UNC5B: variants seen among roughly 807,000 people sequenced by gnomAD.
UNC5B encodes the protein unc-5 netrin receptor B.
Under a neutral mutation model 103.7 loss-of-function variants are expected in UNC5B, and 56 were observed. That is an observed-to-expected ratio of 0.54 (90% CI 0.44 to 0.67). The LOEUF (loss-of-function observed/expected upper bound fraction) is 0.67. Ranked by LOEUF, UNC5B falls within the 30% of genes least tolerant of loss-of-function variation. The pLI is 0.00. For synonymous variants in UNC5B, 577 were observed against 542.0 expected, an observed-to-expected ratio of 1.06 and a Z score of -0.90; for missense variants, 1,194 against 1,284.5, an observed-to-expected ratio of 0.93 and a Z score of 1.08.
chr10:71,254,399 G>T (rs545703518), intron 1 of UNC5B, among the ~76,000 whole-genome samples: 1 of 152,232 alleles, frequency 6.6e-6, no homozygotes, highest in Admixed American at 6.5e-5. Context: ...TCCTGCTGTC[G>T]TGGGGGGCAT....
intron 1 of UNC5B, among the ~76,000 whole-genome samples, chr10:71,242,582 C>G (rs1440248943): frequency 6.6e-6 from 1 of 152,172 alleles, no homozygotes; most frequent in Non-Finnish European, 1.5e-5. Context: ...CACTTTGTAG[C>G]TGGAATGTGG....
intron 1 of UNC5B, among the ~76,000 whole-genome samples, chr10:71,261,086 A>G (rs1050309023): frequency 2.0e-5 from 3 of 152,180 alleles, no homozygotes; most frequent in Non-Finnish European, 4.4e-5. Context: ...GAAGCCCATA[A>G]TTGACAGGGC....
chr10:71,267,139 G>T (rs965980322), intron 1 of UNC5B, among the ~76,000 whole-genome samples: 24 of 152,222 alleles, frequency 1.6e-4, no homozygotes, highest in African/African-American at 5.8e-4. Context: ...GGGCTGCCCA[G>T]CTGGCAAAAT....
intron 9 of UNC5B, 118 bp downstream of exon 9, chr10:71,291,227 T>A: frequency 7.3e-7 from 1 of 1,368,700 alleles, no homozygotes; most frequent in Non-Finnish European, 1.0e-6. Context: ...CAGAGTTTGC[T>A]CTAGAGATAA....
intron 1 of UNC5B, among the ~76,000 whole-genome samples, chr10:71,260,141 C>G (rs1423955602): frequency 1.3e-5 from 2 of 152,238 alleles, no homozygotes; most frequent in African/African-American, 4.8e-5. Flanking sequence ...GGCCACCGCT[C>G]TGGCCACTGC....
intron 14 of UNC5B, 69 bp downstream of exon 14, chr10:71,296,029 C>T (rs1021569588): frequency 1.6e-5 from 25 of 1,601,510 alleles, no homozygotes; most frequent in South Asian, 1.0e-4. Context: ...AGCTCCCTCC[C>T]GGGCCCTGCC....
chr10:71,226,607 G>A (rs112918141), intron 1 of UNC5B, among the ~76,000 whole-genome samples: 510 of 152,372 alleles, frequency 3.3e-3, no homozygotes, highest in Middle Eastern at 0.014. Flanking sequence ...AATACTTGGA[G>A]AGGATGGAGA....
chr10:71,274,010 A>G (rs1844706811), intron 1 of UNC5B, among the ~76,000 whole-genome samples: 1 of 152,162 alleles, frequency 6.6e-6, no homozygotes, highest in South Asian at 2.1e-4. Context: ...CCAGGCTGCA[A>G]CCTCCAGACT....
chr10:71,285,862 A>T (rs1845065884), intron 4 of UNC5B, among the ~76,000 whole-genome samples: 1 of 152,134 alleles, frequency 6.6e-6, no homozygotes, highest in Non-Finnish European at 1.5e-5. Flanking sequence ...CTCTCTCGCC[A>T]TCCTTACCTA....
intron 2 of UNC5B, among the ~76,000 whole-genome samples, 180 bp from the exon 3 acceptor site, chr10:71,284,540 A>G (rs1845013807): frequency 6.6e-6 from 1 of 152,214 alleles, no homozygotes; most frequent in South Asian, 2.1e-4. Context: ...TAGCCACTGC[A>G]ATGTGCAGGT....
At chr10:71,242,194 G>A (rs769692581) in intron 1 of UNC5B, among the ~76,000 whole-genome samples, 11 of 152,156 alleles carry the variant, frequency 7.2e-5, no homozygotes, top group Non-Finnish European at 1.2e-4. Context: ...CCTGCGTGGC[G>A]TCCGTCGGCC....
At chr10:71,240,957 C>T (rs914971466) in intron 1 of UNC5B, among the ~76,000 whole-genome samples, 2 of 152,194 alleles carry the variant, frequency 1.3e-5, no homozygotes, top group African/African-American at 2.4e-5. Context: ...TAGCAGCCTG[C>T]GAATCCAAGA....
chr10:71,234,385 A>G (rs1358340085), intron 1 of UNC5B, among the ~76,000 whole-genome samples: 1 of 152,236 alleles, frequency 6.6e-6, no homozygotes, highest in African/African-American at 2.4e-5. Flanking sequence ...CCCAAGGTTT[A>G]TGGACTGCCC....
At chr10:71,271,470 C>T (rs1047173935) in intron 1 of UNC5B, among the ~76,000 whole-genome samples, 11 of 152,208 alleles carry the variant, frequency 7.2e-5, no homozygotes, top group African/African-American at 2.4e-4. Flanking sequence ...GTGACCCCAT[C>T]GGACCTGAAA....
At chr10:71,296,444 A>C in intron 14 of UNC5B, 134 bp from the exon 15 acceptor site, 1 of 1,022,484 alleles carries the variant, frequency 9.8e-7, no homozygotes, top group Non-Finnish European at 1.4e-6. Context: ...AGCTTAGGGC[A>C]CTTGACCCCT....
At chr10:71,269,318 A>T (rs1453814060) in intron 1 of UNC5B, among the ~76,000 whole-genome samples, 8 of 149,292 alleles carry the variant, frequency 5.4e-5, no homozygotes, top group Admixed American at 3.4e-4. Context: ...GTTTTCAATT[A>T]AAAAAAAAGT....
chr10:71,214,626 CA>C (rs1367155495), intron 1 of UNC5B, among the ~76,000 whole-genome samples: 1 of 151,934 alleles, frequency 6.6e-6, no homozygotes, highest in Admixed American at 6.6e-5. Flanking sequence ...GGCACATGGG[CA>C]GGGTTGTGTC....
Position 71,286,610 on chromosome 10 carries a change from C to T in UNC5B, c.553-79C>T, listed in dbSNP as rs1054147435. ...TCACTGCCACGACTATGGCGTGGACCCAGGTAGAACTGCCCTTCTTCTGTT... is the reference window on the plus strand; with the variant it reads ...TCACTGCCACGACTATGGCGTGGACTCAGGTAGAACTGCCCTTCTTCTGTT... On this transcript the variant is annotated intron_variant, in intron 4 of 16. Transcript: ENST00000335350. 7.7e-6 allele frequency: 12 copies of T among 1,557,454 alleles called. No individual in the cohort carries two copies. The African/African-American group carries it at 1.5e-4, about 19-fold the overall frequency.
intron 1 of UNC5B, among the ~76,000 whole-genome samples, chr10:71,233,584 G>A (rs1179465972): frequency 6.6e-6 from 1 of 152,094 alleles, no homozygotes; most frequent in Non-Finnish European, 1.5e-5. Flanking sequence ...CACCGTCCCA[G>A]CCTGGCTTTA....
Sources: gnomAD v4.1 joint callset for allele counts (sites outside exome capture counted in the v4.1 genomes callset) on GRCh38, gnomAD v4.1.1 for gene constraint, MANE v1.5 for transcripts, NCBI Gene and HGNC (gene_info 2026-07-23, HGNC 2026-07-21) for gene names.